DMD: variants seen among roughly 807,000 people sequenced by gnomAD.
The protein encoded by DMD is mutant dystrophin.
In DMD, 63 loss-of-function variants were observed where a neutral mutation model predicts 330.1. The observed-to-expected ratio is 0.19, with a 90% confidence interval of 0.16 to 0.24. The LOEUF (loss-of-function observed/expected upper bound fraction) is 0.24, where lower values mean the gene tolerates loss of function less well. Among genes scored for constraint, DMD ranks in the 10% least tolerant of loss-of-function variants. The pLI, the probability that DMD is intolerant of heterozygous loss-of-function variation, is 1.00. For synonymous variants in DMD, 1,223 were observed against 959.8 expected, an observed-to-expected ratio of 1.27 and a Z score of -5.07; for missense variants, 3,344 against 2,684.1, an observed-to-expected ratio of 1.25 and a Z score of -5.43.
At chrX:33,047,799 A>T (rs1344003459) in intron 1 of DMD, among the ~76,000 whole-genome samples, 1 of 111,794 alleles carries the variant, frequency 8.9e-6, no homozygotes, top group Non-Finnish European at 1.9e-5. Context: ...CTTCTCCTGC[A>T]CTCTTAGTAT....
At chrX:32,833,133 T>G (rs763333786) in intron 4 of DMD, among the ~76,000 whole-genome samples, 1 of 111,829 alleles carries the variant, frequency 8.9e-6, no homozygotes, top group Admixed American at 9.5e-5. Context: ...AAATAGACTT[T>G]CAACAAATTG....
intron 7 of DMD, among the ~76,000 whole-genome samples, chrX:32,716,837 G>A (rs1569483607): frequency 9.0e-6 from 1 of 111,691 alleles, no homozygotes; most frequent in East Asian, 2.8e-4. Flanking sequence ...AACAAAAAGA[G>A]ATTGGCAGCA....
chrX:31,287,482 A>G (rs1204243248), intron 62 of DMD, among the ~76,000 whole-genome samples: 1 of 112,534 alleles, frequency 8.9e-6, no homozygotes, highest in African/African-American at 3.2e-5. Flanking sequence ...CCTTATTTCA[A>G]ACCTGCACTT....
intron 74 of DMD, among the ~76,000 whole-genome samples, chrX:31,167,586 G>A (rs185052468): frequency 9.0e-6 from 1 of 111,455 alleles, no homozygotes; most frequent in African/African-American, 3.3e-5. Context: ...ATTTGACTTT[G>A]ACCCCTACAA....
At position 33,010,090 on chromosome X, in the gene DMD, A is replaced by G. The variant is rs773191529; in HGVS notation, c.93+10049T>C. Among the ~76,000 whole-genome samples, 27 of 99,332 alleles carry G rather than the reference A, an allele frequency of 2.7e-4. 4 individuals are homozygous for G. The highest frequency in any genetic ancestry group is 9.1e-4 in the African/African-American group (26 of 28,539). The allele number at this position is 99,332 out of a possible 115,157, so 86.3% of individuals were successfully genotyped here. On this transcript the variant is annotated intron_variant, in intron 2 of 78. Coordinates refer to ENST00000357033, the MANE Select transcript of DMD (RefSeq NM_004006.3). ...TATACACAAATGTGCACATGTGTAT[A>G]TATACATGTATATGCACATATGTGC...
chrX:32,411,609 T>G (rs2098142377), intron 30 of DMD, 143 bp downstream of exon 30: 1 of 642,265 alleles, frequency 1.6e-6, no homozygotes, highest in Admixed American at 2.8e-5. Flanking sequence ...CTTTTCTTCC[T>G]ACCTACCTCC....
At chrX:32,455,041 T>C (rs2098350979) in intron 25 of DMD, among the ~76,000 whole-genome samples, 1 of 111,262 alleles carries the variant, frequency 9.0e-6, no homozygotes, top group South Asian at 3.6e-4. Flanking sequence ...TTATTTGGCA[T>C]ACTTAATAAA....
chrX:31,138,415 C>T, intron 76 of DMD, among the ~76,000 whole-genome samples: 1 of 111,342 alleles, frequency 9.0e-6, no homozygotes. Flanking sequence ...TCTAATCATA[C>T]ACTATGTAGC....
chrX:31,244,644 A>T (rs2147367903), intron 63 of DMD, among the ~76,000 whole-genome samples: 1 of 112,371 alleles, frequency 8.9e-6, no homozygotes, highest in Non-Finnish European at 1.9e-5. Context: ...GGAACTAAGA[A>T]TAAGAGAAGA....
At chrX:33,019,638 G>C (rs1180517744) in intron 2 of DMD, among the ~76,000 whole-genome samples, 1 of 111,467 alleles carries the variant, frequency 9.0e-6, no homozygotes, top group African/African-American at 3.3e-5. Flanking sequence ...TAAATATTAA[G>C]AGTATGGATT....
At chrX:32,270,331 A>G (rs2097360825) in intron 43 of DMD, among the ~76,000 whole-genome samples, 1 of 112,532 alleles carries the variant, frequency 8.9e-6, no homozygotes, top group Admixed American at 9.4e-5. Flanking sequence ...ATTGAATTAG[A>G]AAGAAAACTT....
intron 60 of DMD, among the ~76,000 whole-genome samples, chrX:31,442,369 T>G (rs1022014338): frequency 3.6e-5 from 4 of 111,644 alleles, no homozygotes; most frequent in Non-Finnish European, 7.5e-5. Context: ...GACCTCCTAA[T>G]AGTCAATCCA....
chrX:33,031,797 C>G (rs897233131), intron 1 of DMD, among the ~76,000 whole-genome samples: 1 of 110,211 alleles, frequency 9.1e-6, no homozygotes, highest in African/African-American at 3.3e-5. Context: ...ACAAACAAAA[C>G]AAAGAAAGAA....
intron 51 of DMD, among the ~76,000 whole-genome samples, chrX:31,749,138 TTTA>T (rs60724705): frequency 0.12 from 13,091 of 107,563 alleles, 695 homozygotes; most frequent in East Asian, 0.23. Flanking sequence ...ATTTTGAGAT[TTTA>T]TTATTATTAT....
intron 55 of DMD, among the ~76,000 whole-genome samples, chrX:31,522,379 ATATATATAGCT>A (rs2072906058): frequency 1.1e-5 from 1 of 87,034 alleles, no homozygotes; most frequent in Admixed American, 1.3e-4. Flanking sequence ...ATATATATAT[ATATATATAGCT>A]GCACAGGAAG....
intron 60 of DMD, among the ~76,000 whole-genome samples, chrX:31,368,396 G>C (rs2059374255): frequency 8.9e-6 from 1 of 111,908 alleles, no homozygotes; most frequent in Non-Finnish European, 1.9e-5. Context: ...GCACTGGAGA[G>C]GATGTGTCCC....
At position 32,261,386 on chromosome X, in the gene DMD, CAT is replaced by C. The variant is rs1210343519; in HGVS notation, c.6290+26141_6290+26142del. Among the ~76,000 whole-genome samples, 7 of 111,464 alleles carry C rather than the reference CAT, an allele frequency of 6.3e-5. 1 individual carries two copies. Among genetic ancestry groups the C allele is most frequent in the Admixed American group, 4.8e-4 (5 of 10,414 alleles). Reference sequence around the variant, plus strand: ...AGAATGAAAAGGGAGGGCATGAAAACATAAAAAGTGTACAGAATCCAGTAAAT... The same window carrying C: ...AGAATGAAAAGGGAGGGCATGAAAACAAAAAGTGTACAGAATCCAGTAAAT... On this transcript the variant is annotated intron_variant, in intron 43 of 78. Coordinates refer to ENST00000357033, the MANE Select transcript of DMD (RefSeq NM_004006.3).
intron 1 of DMD, among the ~76,000 whole-genome samples, chrX:33,032,100 C>CA (rs753314069): frequency 8.9e-6 from 1 of 112,029 alleles, no homozygotes; most frequent in Non-Finnish European, 1.9e-5. Flanking sequence ...GTGGATTACA[C>CA]ATCCCACTCA....
At chrX:33,180,953 G>A (rs1363464023) in intron 1 of DMD, among the ~76,000 whole-genome samples, 3 of 107,956 alleles carry the variant, frequency 2.8e-5, no homozygotes, top group Non-Finnish European at 5.7e-5. Context: ...TGTATCTGAA[G>A]TAAGTAATAC....
Sources: gnomAD v4.1 joint callset for allele counts (sites outside exome capture counted in the v4.1 genomes callset) on GRCh38, gnomAD v4.1.1 for gene constraint, MANE v1.5 for transcripts, NCBI Gene and HGNC (gene_info 2026-07-23, HGNC 2026-07-21) for gene names.